Variants in NQO2 observed in about 807,000 individuals in gnomAD.
The protein encoded by NQO2 is ribosyldihydronicotinamide dehydrogenase [quinone].
NQO2 carries 18 observed loss-of-function variants against 22.0 expected under a neutral mutation model. That is an observed-to-expected ratio of 0.82 (90% confidence interval 0.56 to 1.21). The LOEUF is 1.21. NQO2 is among the 50% of genes most tolerant of loss of function. The pLI, the probability that NQO2 is intolerant of heterozygous loss-of-function variation, is 0.00. For missense variants in NQO2, 267 were observed against 286.9 expected, an observed-to-expected ratio of 0.93 and a Z score of 0.50; for synonymous variants, 106 against 110.8, an observed-to-expected ratio of 0.96 and a Z score of 0.28.
chr6:3,001,583 G>A (rs1756722237), intron 1 of NQO2, among the ~76,000 whole-genome samples: 1 of 152,112 alleles, frequency 6.6e-6, no homozygotes, highest in South Asian at 2.1e-4. Context: ...GGCACAAAAG[G>A]GTATGCAGGC....
At chr6:3,002,705 A>C (rs1489415255) in intron 1 of NQO2, among the ~76,000 whole-genome samples, 1 of 151,306 alleles carries the variant, frequency 6.6e-6, no homozygotes. Context: ...GGGTCAGGTC[A>C]GACCCCTCCC....
intron 2 of NQO2, among the ~76,000 whole-genome samples, chr6:3,007,610 C>T (rs73718697): frequency 1.3e-5 from 2 of 152,174 alleles, no homozygotes; most frequent in African/African-American, 2.4e-5. Context: ...GCCTCCCAGA[C>T]GAAGTCAGTA....
At chr6:3,012,475 A>G (rs1354771088) in intron 3 of NQO2, 69 bp from the exon 4 acceptor site, 7 of 1,555,284 alleles carry the variant, frequency 4.5e-6, no homozygotes, top group Non-Finnish European at 6.1e-6. Context: ...ACACAGTGCT[A>G]CTGGGATGGT....
intron 3 of NQO2, among the ~76,000 whole-genome samples, 197 bp downstream of exon 3, chr6:3,010,386 A>T (rs949298143): frequency 6.6e-6 from 1 of 151,870 alleles, no homozygotes; most frequent in African/African-American, 2.4e-5. Flanking sequence ...TCCCAAGACC[A>T]CACATAAGTG....
At position 3,006,586 on chromosome 6, in the gene NQO2, A is replaced by T; in HGVS notation, c.7+27A>T. On this transcript the variant is annotated intron_variant, in intron 2 of 6. Coordinates refer to ENST00000380455, the MANE Select transcript of NQO2 (RefSeq NM_000904.6). This position sits in a 1 kb window ranked among gnomAD's most constrained non-coding sequence, Gnocchi z 4.0. ...TAATGATTCACTATTGTGGAGTAAG[A>T]CTTTTTTTTTTTTGAGATGGGATTT... 1.3e-6 allele frequency: 2 copies of T among 1,558,448 alleles called. No individual in the cohort carries two copies. The highest frequency in any genetic ancestry group is 1.7e-6 in the Non-Finnish European group (2 of 1,157,306).
intron 3 of NQO2, among the ~76,000 whole-genome samples, chr6:3,010,447 C>T (rs974281750): frequency 1.3e-5 from 2 of 151,780 alleles, no homozygotes; most frequent in African/African-American, 4.8e-5. Context: ...TCCACGACAC[C>T]CCTCCCCACA....
At chr6:3,017,886 C>T (rs1329010046) in intron 6 of NQO2, among the ~76,000 whole-genome samples, 2 of 152,142 alleles carry the variant, frequency 1.3e-5, no homozygotes, top group African/African-American at 2.4e-5. Context: ...TCTAGGTGCA[C>T]GTGCCTTGCC....
At chr6:3,017,045 T>G (rs1346548962) in intron 6 of NQO2, 60 bp downstream of exon 6, 2 of 1,573,984 alleles carry the variant, frequency 1.3e-6, no homozygotes, top group Middle Eastern at 2.1e-4. Flanking sequence ...GACACACACA[T>G]GCACACATGC....
intron 1 of NQO2, among the ~76,000 whole-genome samples, chr6:3,000,845 C>G (rs1756665783): frequency 7.1e-6 from 1 of 141,310 alleles, no homozygotes; most frequent in South Asian, 2.3e-4. Flanking sequence ...CCCTCTTTTT[C>G]TTTTTTCTTT....
intron 1 of NQO2, among the ~76,000 whole-genome samples, chr6:3,001,342 C>T (rs757462021): frequency 6.6e-6 from 1 of 152,156 alleles, no homozygotes; most frequent in Non-Finnish European, 1.5e-5. Flanking sequence ...CCGCCTGCCT[C>T]GGCCTCCCAG....
chr6:3,009,437 CA>C (rs1270261476), intron 2 of NQO2, among the ~76,000 whole-genome samples: 1 of 152,162 alleles, frequency 6.6e-6, no homozygotes, highest in Non-Finnish European at 1.5e-5. Context: ...GTGCAGTTAA[CA>C]CAATCATCAC....
In NQO2 at chr6:3,006,326, A is replaced by G; in HGVS notation, c.-85-142A>G. The G allele has an allele frequency of 1.5e-6, 2 of 1,360,734 alleles. No homozygotes were observed. The highest frequency in any genetic ancestry group is 1.9e-6 in the Non-Finnish European group (2 of 1,053,644). 84.3% of individuals were successfully genotyped at this position (1,360,734 alleles called of 1,614,324 possible). A position where few individuals can be genotyped will look rare whatever the true frequency, so the allele number is the denominator to read the frequency against. On this transcript the variant is annotated intron_variant, in intron 1 of 6. Coordinates refer to ENST00000380455, the MANE Select transcript of NQO2 (RefSeq NM_000904.6). This position sits in a 1 kb window ranked among gnomAD's most constrained non-coding sequence, Gnocchi z 4.0. ...CTTGTCCTCTGAGGCCTAAATCTCC[A>G]GAAGATTCCTGGCCTCTCTTGAGAG...
rs977569695 is a variant in NQO2, at chr6:3,006,983, T to G, written c.7+424T>G. The G allele has an allele frequency of 2.5e-6, 1 of 403,664 alleles. No homozygotes were observed. Among genetic ancestry groups the G allele is most frequent in the Non-Finnish European group, 4.4e-6 (1 of 229,232 alleles). The allele number at this position is 403,664 out of a possible 1,614,324, so 25.0% of individuals were successfully genotyped here. The stretch of plus-strand genomic sequence containing the variant: ...TCTTTGCTTTTGCAACTGCTTATCA[T>G]GCACATATACATGAACATGCAATCT... On this transcript the variant is annotated intron_variant, in intron 2 of 6. Coordinates refer to ENST00000380455, the MANE Select transcript of NQO2 (RefSeq NM_000904.6). This position sits in a 1 kb window ranked among gnomAD's most constrained non-coding sequence, Gnocchi z 4.0.
intron 4 of NQO2, among the ~76,000 whole-genome samples, chr6:3,013,274 C>T (rs959949922): frequency 3.9e-5 from 6 of 152,228 alleles, no homozygotes; most frequent in East Asian, 1.9e-4. Context: ...CTACTTTAAA[C>T]ACTTTACCTA....
Position 3,002,255 on chromosome 6 carries a change from A to G in NQO2, c.-86+2170A>G, listed in dbSNP as rs1380769913. The G allele has an allele frequency of 3.0e-6, 3 of 984,344 alleles. No homozygotes were observed. The East Asian group carries it at 3.4e-4, about 112-fold the overall frequency. The allele number at this position is 984,344 out of a possible 1,614,324, so 61.0% of individuals were successfully genotyped here. On this transcript the variant is annotated intron_variant, in intron 1 of 6. Transcript: ENST00000380455. Reference sequence around the variant, plus strand: ...GGGAATCAGGATAAGGTGTTCCCCCAGTCTGCAGAAACACTGGCAACATTT... The same window carrying G: ...GGGAATCAGGATAAGGTGTTCCCCCGGTCTGCAGAAACACTGGCAACATTT...
intron 1 of NQO2, among the ~76,000 whole-genome samples, chr6:3,001,831 A>G (rs1339320456): frequency 1.3e-5 from 2 of 152,232 alleles, no homozygotes; most frequent in Non-Finnish European, 2.9e-5. Flanking sequence ...GGGTAGGTGC[A>G]TAGTTTCTAA....
intron 3 of NQO2, among the ~76,000 whole-genome samples, chr6:3,011,559 C>T (rs931421216): frequency 6.6e-6 from 1 of 152,086 alleles, no homozygotes; most frequent in African/African-American, 2.4e-5. Flanking sequence ...GAAAAATTTT[C>T]CAAAACTTCA....
chr6:3,014,249 C>T (rs3823096), intron 4 of NQO2, among the ~76,000 whole-genome samples: 55,146 of 152,070 alleles, frequency 0.36, 10,411 homozygotes, highest in South Asian at 0.45. Context: ...CACCCCTTCC[C>T]GACACCAGCC....
intron 2 of NQO2, among the ~76,000 whole-genome samples, chr6:3,008,412 CA>C (rs543349139): frequency 0.036 from 2,986 of 83,380 alleles, 80 homozygotes; most frequent in African/African-American, 0.094. Flanking sequence ...AACTCTGTTT[CA>C]AAAAAAAAAA....
Sources: gnomAD v4.1 joint callset for allele counts (sites outside exome capture counted in the v4.1 genomes callset) on GRCh38, gnomAD v4.1.1 for gene constraint, Gnocchi (gnomAD v3.1) non-coding constraint, MANE v1.5 for transcripts, NCBI Gene and HGNC (gene_info 2026-07-23, HGNC 2026-07-21) for gene names.